The following WDR17 variants were observed in gnomAD, a reference collection of about 807,000 sequenced individuals.
The protein encoded by WDR17 is WD repeat-containing protein 17.
In WDR17, 143 loss-of-function variants were observed where a neutral mutation model predicts 161.7. The ratio of observed to expected loss-of-function variants is 0.88; its 90% CI spans 0.77 to 1.02. The LOEUF (loss-of-function observed/expected upper bound fraction) is 1.02. Among genes scored for constraint, WDR17 ranks in the 50% least tolerant of loss-of-function variants. WDR17 has a pLI of 0.00. For missense variants in WDR17, 1,469 were observed against 1,520.9 expected (o/e 0.97, Z 0.57); for synonymous variants, 517 against 515.6 (o/e 1.00, Z -0.04).
intron 13 of WDR17, 46 bp from the exon 14 acceptor site, chr4:176,149,761 T>C: frequency 6.3e-7 from 1 of 1,595,260 alleles, no homozygotes; most frequent in Non-Finnish European, 8.5e-7. Flanking sequence ...ATAAAAAATA[T>C]TTTTCAATGT....
In WDR17 at chr4:176,148,423, A is replaced by T. The variant is rs934286905; in HGVS notation, c.1897+88A>T. ...TCTGAGGAATACAGTATTTTTGAAG[A>T]AGTTATACAGTGTTTTATTTTACAA... On this transcript the variant is annotated intron_variant, in intron 13 of 28. Coordinates refer to ENST00000508596, the MANE Select transcript of WDR17 (RefSeq NM_181265.4). 10 of 1,164,270 alleles carry T rather than the reference A, an allele frequency of 8.6e-6. No individual in the cohort carries two copies. The African/African-American group carries it at 1.5e-4, about 18-fold the overall frequency. 72.1% of individuals were successfully genotyped at this position (1,164,270 alleles called of 1,614,324 possible). A position where few individuals can be genotyped will look rare whatever the true frequency, so the allele number is the denominator to read the frequency against.
At chr4:176,178,889 A>G (rs1751840538) in intron 28 of WDR17, among the ~76,000 whole-genome samples, 1 of 152,208 alleles carries the variant, frequency 6.6e-6, no homozygotes, top group Non-Finnish European at 1.5e-5. Flanking sequence ...AACATTTCAC[A>G]TTTAGTTCTT....
chr4:176,069,207 AC>A (rs1442101444), intron 1 of WDR17, among the ~76,000 whole-genome samples: 1 of 151,956 alleles, frequency 6.6e-6, no homozygotes, highest in Non-Finnish European at 1.5e-5. Flanking sequence ...CACAGCTGGC[AC>A]CTGCCTTCCA....
intron 22 of WDR17, chr4:176,165,993 T>C (rs1749718092): frequency 8.9e-6 from 4 of 450,830 alleles, no homozygotes; most frequent in Non-Finnish European, 1.6e-5. Context: ...AAAAGATAGC[T>C]ACATCATTTA....
chr4:176,106,043 A>C (rs1025568061), intron 1 of WDR17, among the ~76,000 whole-genome samples: 1 of 152,204 alleles, frequency 6.6e-6, no homozygotes, highest in Admixed American at 6.5e-5. Flanking sequence ...AGTAGTAGGA[A>C]CAATTGTACA....
chr4:176,098,911 G>T (rs909150586), intron 1 of WDR17, among the ~76,000 whole-genome samples: 9 of 151,912 alleles, frequency 5.9e-5, no homozygotes, highest in African/African-American at 2.2e-4. Flanking sequence ...GGATTTAAGT[G>T]TTGGTTTGTA....
chr4:176,095,981 C>T (rs761497980), intron 1 of WDR17, among the ~76,000 whole-genome samples: 50 of 152,078 alleles, frequency 3.3e-4, no homozygotes, highest in Middle Eastern at 3.4e-3. Context: ...AACTTTTTGA[C>T]GGGTTAGGTG....
intron 26 of WDR17, 129 bp from the exon 27 acceptor site, chr4:176,176,929 A>G (rs967297064): frequency 6.5e-6 from 4 of 619,542 alleles, no homozygotes; most frequent in Non-Finnish European, 1.1e-5. Flanking sequence ...TTCTATATGT[A>G]TATTATATAT....
chr4:176,160,796 T>C, intron 19 of WDR17, 115 bp from the exon 20 acceptor site: 5 of 837,950 alleles, frequency 6.0e-6, no homozygotes, highest in Non-Finnish European at 8.7e-6. Flanking sequence ...TATCTCCAAA[T>C]TATAGTATAA....
intron 1 of WDR17, chr4:176,096,329 T>G (rs960250099): frequency 7.2e-6 from 3 of 415,076 alleles, no homozygotes; most frequent in African/African-American, 6.2e-5. Context: ...TCTTATTTTC[T>G]TATTTACTTG....
chr4:176,083,305 C>T (rs1734996841), intron 1 of WDR17, among the ~76,000 whole-genome samples: 1 of 152,108 alleles, frequency 6.6e-6, no homozygotes, highest in Non-Finnish European at 1.5e-5. Flanking sequence ...TCGTGCTACA[C>T]AAACATATCA....
chr4:176,170,854 C>A (rs1750634976), intron 23 of WDR17, among the ~76,000 whole-genome samples: 1 of 152,174 alleles, frequency 6.6e-6, no homozygotes, highest in African/African-American at 2.4e-5. Context: ...CCTCGACTTA[C>A]CATGGGGTTA....
intron 18 of WDR17, among the ~76,000 whole-genome samples, chr4:176,159,007 C>T (rs1748586985): frequency 6.6e-6 from 1 of 152,106 alleles, no homozygotes; most frequent in African/African-American, 2.4e-5. Context: ...TTGAGGAATA[C>T]TTCGATGACT....
Position 176,068,097 on chromosome 4 carries a change from A to G in WDR17, c.-7+2018A>G, listed in dbSNP as rs1042823014. 7 of 152,334 alleles carry G rather than the reference A, an allele frequency of 4.6e-5. No individual in the cohort carries two copies. The South Asian group carries it at 1.2e-3, about 27-fold the overall frequency. 9.4% of individuals were successfully genotyped at this position (152,334 alleles called of 1,614,324 possible). A position where few individuals can be genotyped will look rare whatever the true frequency, so the allele number is the denominator to read the frequency against. ...CTTTATCAGATTACTGAATTGTAAT[A>G]CTGAATACTTAAGAGTTTACCCAGC... On this transcript the variant is annotated intron_variant, in intron 1 of 28. Coordinates refer to ENST00000508596, the MANE Select transcript of WDR17 (RefSeq NM_181265.4).
At chr4:176,074,423 A>T (rs1733681814) in intron 1 of WDR17, among the ~76,000 whole-genome samples, 1 of 151,468 alleles carries the variant, frequency 6.6e-6, no homozygotes, top group Non-Finnish European at 1.5e-5. Flanking sequence ...ATACATATAT[A>T]TTTATATATA....
chr4:176,176,574 G>C (rs73871920), intron 26 of WDR17, among the ~76,000 whole-genome samples: 5,117 of 152,160 alleles, frequency 0.034, 268 homozygotes, highest in African/African-American at 0.12. Context: ...CAGGCATAGC[G>C]TACTCTTCAA....
chr4:176,151,983 A>G lies in WDR17; in HGVS notation c.2460+16A>G. 1 of 1,606,536 alleles carries G rather than the reference A, an allele frequency of 6.2e-7. No homozygotes were observed. Among genetic ancestry groups the G allele is most frequent in the Admixed American group, 1.7e-5 (1 of 58,108 alleles). On this transcript the variant is annotated intron_variant, in intron 17 of 28. Transcript: ENST00000508596. ...ACTTGGAGAGGTAATGTGCTATGAA[A>G]GTAAAACTAATGAGTTTAACATAGT...
At position 176,074,167 on chromosome 4, in the gene WDR17, G is replaced by A. The variant is rs548710700; in HGVS notation, c.-7+8088G>A. Among the ~76,000 whole-genome samples the A allele has an allele frequency of 1.8e-4, 28 of 151,610 alleles. No homozygotes were observed. In the South Asian group the frequency reaches 5.0e-3, roughly 27 times the overall value. ...TTGCTTTTGGTGTTTTAGACATGAAGTCCTTGCCCATGCCTATGTCCTGAA... is the reference window on the plus strand; with the variant it reads ...TTGCTTTTGGTGTTTTAGACATGAAATCCTTGCCCATGCCTATGTCCTGAA... On this transcript the variant is annotated intron_variant, in intron 1 of 28. Transcript: ENST00000508596.
chr4:176,135,393 A>AG, intron 8 of WDR17, 117 bp downstream of exon 8: 1 of 1,141,114 alleles, frequency 8.8e-7, no homozygotes, highest in Non-Finnish European at 1.3e-6. Flanking sequence ...ATGTAGAGCA[A>AG]ATTAGTGTGA....
Sources: gnomAD v4.1 joint callset for allele counts (sites outside exome capture counted in the v4.1 genomes callset) on GRCh38, gnomAD v4.1.1 for gene constraint, MANE v1.5 for transcripts, NCBI Gene and HGNC (gene_info 2026-07-23, HGNC 2026-07-21) for gene names.